Variants in HECTD4 observed in about 807,000 individuals in gnomAD.
The protein encoded by HECTD4 is probable E3 ubiquitin-protein ligase HECTD4.
A neutral mutation model predicts 471.5 loss-of-function variants in HECTD4; 114 were observed. That is an observed-to-expected ratio of 0.24 (90% CI 0.21 to 0.28). HECTD4 has a LOEUF of 0.28. Among genes scored for constraint, HECTD4 ranks in the 10% least tolerant of loss-of-function variants. The probability of loss-of-function intolerance (pLI) is 1.00; values close to 1 mark genes in which losing one functional copy is unlikely to be tolerated. For missense variants in HECTD4, 3,866 were observed against 5,651.5 expected, an observed-to-expected ratio of 0.68 and a Z score of 10.13; for synonymous variants, 2,012 against 2,256.0, an observed-to-expected ratio of 0.89 and a Z score of 3.07.
At position 112,229,761 on chromosome 12, in the gene HECTD4, G is replaced by A. The variant is rs376927742; in HGVS notation, c.6456C>T (p.Ala2152=). 2.0e-4 allele frequency: 315 copies of A among 1,614,014 alleles called. No homozygotes were observed. Among genetic ancestry groups the A allele is most frequent in the Admixed American group, 2.5e-4 (15 of 60,018 alleles). The change falls in exon 41 of 76, where the codon GCC becomes GCT. Residue 2152 remains alanine (A), a synonymous_variant. Coordinates refer to ENST00000682272, the MANE Select transcript of HECTD4 (RefSeq NM_001388303.1). ...CTCCAAGTGCACACAGTGCGGCAAC[G>A]GCCTGGCGTGCAATTCTCTGAAGTT... is the stretch of plus-strand genomic sequence containing the variant. ...LAKLQRIARQ[A]VAALCALGGF...
intron 45 of HECTD4, among the ~76,000 whole-genome samples, chr12:112,217,679 T>A (rs767263622): frequency 1.3e-5 from 2 of 152,224 alleles, no homozygotes; most frequent in Admixed American, 1.3e-4. Context: ...TTAAAAAGTG[T>A]ATCTTTTTTC....
At chr12:112,183,953 C>T (rs1445046770) in intron 61 of HECTD4, among the ~76,000 whole-genome samples, 2 of 152,228 alleles carry the variant, frequency 1.3e-5, no homozygotes, top group African/African-American at 2.4e-5. Flanking sequence ...CCACCCACCG[C>T]GGAAGGCCAG....
Position 112,173,577 on chromosome 12 carries a change from G to A in HECTD4, c.11595-716C>T, listed in dbSNP as rs1317203408. The stretch of plus-strand genomic sequence containing the variant: ...GCTAATTTTTTTTTTTGTATTTTTA[G>A]TAGAGACGAGGTTTCACCGTGTTAG... On this transcript the variant is annotated intron_variant, in intron 66 of 75. Coordinates refer to ENST00000682272, the MANE Select transcript of HECTD4 (RefSeq NM_001388303.1). This position sits in a 1 kb window ranked among gnomAD's most constrained non-coding sequence, Gnocchi z 4.3. Among the ~76,000 whole-genome samples, 1 of 151,434 alleles carries A rather than the reference G, an allele frequency of 6.6e-6. No individual in the cohort carries two copies. Among genetic ancestry groups the A allele is most frequent in the Admixed American group, 6.6e-5 (1 of 15,202 alleles).
At chr12:112,254,262 A>G (rs913401200) in intron 21 of HECTD4, 100 bp from the exon 22 acceptor site, 19 of 1,415,264 alleles carry the variant, frequency 1.3e-5, no homozygotes, top group Admixed American at 2.0e-5. Flanking sequence ...ATACAATTAT[A>G]ACCAGGCATT....
chr12:112,235,094 G>A lies in HECTD4; in HGVS notation c.5898C>T (p.Val1966=). Residue 1966 remains valine (V), a synonymous_variant, in exon 37 of 76, where the codon GTC becomes GTT. Transcript: ENST00000682272. The surrounding 1 kb of genome is among the most constrained non-coding windows in gnomAD (Gnocchi z 5.0). ...ATGGTCACCTTAGCAATGGCTGGAG[G>A]ACTTCATGGGATGACTGGTCTTCCC... is the stretch of plus-strand genomic sequence containing the variant. ...HKREDQSSHE[V]LQPLLSSSEG... 1 of 1,578,550 alleles carries A rather than the reference G, an allele frequency of 6.3e-7. No individual in the cohort carries two copies. Among genetic ancestry groups the A allele is most frequent in the Non-Finnish European group, 8.6e-7 (1 of 1,161,602 alleles).
chr12:112,233,192 C>A, intron 37 of HECTD4, 107 bp from the exon 38 acceptor site: 10 of 533,580 alleles, frequency 1.9e-5, no homozygotes, highest in Middle Eastern at 3.6e-4. Flanking sequence ...TATACACTAA[C>A]ATTAGCTTAC....
rs2032175454 is a variant in HECTD4 at position 112,194,480 on chromosome 12, C to T, written c.8749+405G>A. ...CTCATGCCAAGGGCACACAGGCTGG[C>T]CTTTGGAACAGCCTCAGCAGAACTT... On this transcript the variant is annotated intron_variant, in intron 56 of 75. Coordinates refer to ENST00000682272, the MANE Select transcript of HECTD4 (RefSeq NM_001388303.1). This position sits in a 1 kb window ranked among gnomAD's most constrained non-coding sequence, Gnocchi z 4.6. Among the ~76,000 whole-genome samples, 1 of 152,166 alleles carries T rather than the reference C, an allele frequency of 6.6e-6. No individual in the cohort carries two copies. The highest frequency in any genetic ancestry group is 2.1e-4 in the South Asian group (1 of 4,824).
At chr12:112,266,067 T>C (rs112356578) in intron 14 of HECTD4, 84 bp from the exon 15 acceptor site, 10 of 966,612 alleles carry the variant, frequency 1.0e-5, no homozygotes, top group East Asian at 5.1e-5. Flanking sequence ...TTTAAACAAA[T>C]AGATTGTCGG....
In HECTD4 at chr12:112,189,550, CAAAAAAA is replaced by C. The variant is rs57209316; in HGVS notation, c.9472+1229_9472+1235del. On this transcript the variant is annotated intron_variant, in intron 60 of 75. Transcript: ENST00000682272. The stretch of plus-strand genomic sequence containing the variant: ...TGGGCGACAGAGCGAGACTCCGTCT[CAAAAAAA>C]AAAAAAAAAAAAAAAAAAGAAAGAA... 6.6e-3 allele frequency among the ~76,000 whole-genome samples: 202 copies of C among 30,458 alleles called. 2 individuals are homozygous for C. The highest frequency in any genetic ancestry group is 0.02 in the African/African-American group (181 of 8,892). 20.0% of individuals were successfully genotyped at this position (30,458 alleles called of 152,430 possible).
At chr12:112,253,416 C>A (rs938568386) in intron 22 of HECTD4, among the ~76,000 whole-genome samples, 1 of 152,208 alleles carries the variant, frequency 6.6e-6, no homozygotes, top group Non-Finnish European at 1.5e-5. Flanking sequence ...TGAGCAGCTG[C>A]ACCTGGCCAT....
chr12:112,274,309 T>A (rs2034480948), intron 10 of HECTD4, among the ~76,000 whole-genome samples: 1 of 152,232 alleles, frequency 6.6e-6, no homozygotes, highest in African/African-American at 2.4e-5. Context: ...ATAGGCATCA[T>A]CACACAACCT....
chr12:112,272,119 G>T lies in HECTD4; in HGVS notation c.1942+1536C>A, dbSNP rs1459242532. On this transcript the variant is annotated intron_variant, in intron 11 of 75. Transcript: ENST00000682272. The stretch of plus-strand genomic sequence containing the variant: ...GCTGGGGTGCAATGGCATGATCTCA[G>T]CTCACTGCAACCTCAGCCTCCCAGT... 6.6e-5 allele frequency among the ~76,000 whole-genome samples: 10 copies of T among 152,074 alleles called. No homozygotes were observed. The East Asian group carries it at 1.7e-3, about 26-fold the overall frequency.
intron 16 of HECTD4, among the ~76,000 whole-genome samples, chr12:112,264,681 G>T (rs1018794304): frequency 6.6e-6 from 1 of 152,126 alleles, no homozygotes; most frequent in African/African-American, 2.4e-5. Flanking sequence ...TTAAGCAGGG[G>T]GAATAGTCTT....
At chr12:112,337,787 C>T (rs1277007960) in intron 1 of HECTD4, among the ~76,000 whole-genome samples, 1 of 152,148 alleles carries the variant, frequency 6.6e-6, no homozygotes. Flanking sequence ...GCATTCCAAA[C>T]TAAATTTTTT....
chr12:112,297,383 C>G (rs1224660597), intron 7 of HECTD4, among the ~76,000 whole-genome samples: 1 of 151,066 alleles, frequency 6.6e-6, no homozygotes, highest in Non-Finnish European at 1.5e-5. Flanking sequence ...GATGTAGGTG[C>G]AGAAGGTATA....
chr12:112,308,708 T>C, intron 6 of HECTD4, 45 bp downstream of exon 6: 1 of 1,486,480 alleles, frequency 6.7e-7, no homozygotes. Context: ...ACTTTCTTTA[T>C]TGCCTCTAAA....
chr12:112,204,424 G>T, intron 53 of HECTD4, 62 bp downstream of exon 53: 2 of 1,508,176 alleles, frequency 1.3e-6, no homozygotes, highest in South Asian at 2.4e-5. Context: ...TGCACATTAA[G>T]GAAAATTCAA....
At chr12:112,248,597 T>C (rs1593974320) in intron 25 of HECTD4, 85 bp from the exon 26 acceptor site, 1 of 941,354 alleles carries the variant, frequency 1.1e-6, no homozygotes, top group East Asian at 2.8e-5. Context: ...TTTATTTCTT[T>C]AGAGACAAGG....
chr12:112,177,841 T>C (rs1445886262), intron 64 of HECTD4, among the ~76,000 whole-genome samples: 1 of 152,152 alleles, frequency 6.6e-6, no homozygotes, highest in South Asian at 2.1e-4. Context: ...ATAGAAAGGG[T>C]TCTTCCCAAA....
Sources: gnomAD v4.1 joint callset for allele counts (sites outside exome capture counted in the v4.1 genomes callset) on GRCh38, gnomAD v4.1.1 for gene constraint, Gnocchi (gnomAD v3.1) non-coding constraint, MANE v1.5 for transcripts, NCBI Gene and HGNC (gene_info 2026-07-23, HGNC 2026-07-21) for gene names.